Variants in USO1 observed in about 807,000 individuals in gnomAD.
USO1 encodes the protein general vesicular transport factor p115.
USO1 carries 57 observed loss-of-function variants against 124.5 expected under a neutral mutation model. The observed-to-expected ratio is 0.46, with a 90% CI of 0.37 to 0.57. The LOEUF is 0.57. Ranked by LOEUF, USO1 falls within the 20% of genes least tolerant of loss-of-function variation. The pLI, the probability that USO1 is intolerant of heterozygous loss-of-function variation, is 0.00. For missense variants in USO1, 900 were observed against 1,040.6 expected (o/e 0.86, Z 1.86); for synonymous variants, 369 against 362.8 (o/e 1.02, Z -0.19).
rs1179790339 is a variant in USO1 at position 75,806,597 on chromosome 4, C to A, written c.2376+25C>A. 5.2e-6 allele frequency: 8 copies of A among 1,548,578 alleles called. No individual in the cohort carries two copies. The South Asian group carries it at 9.6e-5, about 19-fold the overall frequency. On this transcript the variant is annotated intron_variant, in intron 20 of 23. Coordinates refer to ENST00000514213, the MANE Select transcript of USO1 (RefSeq NM_003715.4). ...GGTAATTTTCCACTTTGATCCAATTCTACTTTGTCATGTTTTAATTATAAT... is the reference window on the plus strand; with the variant it reads ...GGTAATTTTCCACTTTGATCCAATTATACTTTGTCATGTTTTAATTATAAT...
At chr4:75,781,584 G>A (rs999578206) in intron 8 of USO1, among the ~76,000 whole-genome samples, 1 of 152,104 alleles carries the variant, frequency 6.6e-6, no homozygotes, top group African/African-American at 2.4e-5. Flanking sequence ...ACATTATAGT[G>A]TAAATGTAAC....
At chr4:75,797,195 G>T (rs1331137322) in intron 13 of USO1, among the ~76,000 whole-genome samples, 1 of 151,876 alleles carries the variant, frequency 6.6e-6, no homozygotes. Flanking sequence ...GACTTTATAA[G>T]GAATTATACT....
chr4:75,758,130 A>G (rs1351631816), intron 4 of USO1, among the ~76,000 whole-genome samples: 3 of 152,152 alleles, frequency 2.0e-5, no homozygotes, highest in East Asian at 1.9e-4. Context: ...ATATTTGCAC[A>G]CTTAACATAA....
intron 13 of USO1, among the ~76,000 whole-genome samples, chr4:75,797,966 G>T (rs138890792): frequency 6.6e-6 from 1 of 152,142 alleles, no homozygotes; most frequent in Non-Finnish European, 1.5e-5. Context: ...CCTTTGTGAT[G>T]TTGAGTCTCC....
Position 75,812,333 on chromosome 4 carries a change from A to G in USO1, c.2757A>G (p.Lys919=). 6.2e-7 allele frequency: 1 copy of G among 1,602,528 alleles called. No homozygotes were observed. The highest frequency in any genetic ancestry group is 8.5e-7 in the Non-Finnish European group (1 of 1,174,186). ...LLVLLADQDQ[K]ILSLKNKLKD... is the part of the protein sequence containing the mutation. Reference sequence around the variant, plus strand: ...TGCTCTTGGCCGATCAAGATCAGAAAATACTGTCATTGAAGAATAAACTCA... The same window carrying G: ...TGCTCTTGGCCGATCAAGATCAGAAGATACTGTCATTGAAGAATAAACTCA... The change falls in exon 23 of 24, where the codon AAA becomes AAG. Residue 919 remains lysine (K), a synonymous_variant. Transcript: ENST00000514213.
chr4:75,783,165 A>G (rs767008022), intron 9 of USO1, among the ~76,000 whole-genome samples: 4 of 152,194 alleles, frequency 2.6e-5, no homozygotes, highest in Non-Finnish European at 4.4e-5. Flanking sequence ...AATAGGTTAC[A>G]TTGTTGATTT....
At chr4:75,783,517 CCTT>C (rs1233740792) in intron 9 of USO1, among the ~76,000 whole-genome samples, 2 of 152,152 alleles carry the variant, frequency 1.3e-5, no homozygotes, top group Non-Finnish European at 2.9e-5. Context: ...ATTGAATCCT[CCTT>C]CTCCAAACTG....
Position 75,790,207 on chromosome 4 carries a change from G to A in USO1, c.1054G>A (p.Ala352Thr). Residue 352 changes from alanine (A) to threonine (T), a missense_variant, in exon 11 of 24, where the codon GCA becomes ACA. Physicochemically the swap from Ala to Thr is moderately conservative, Grantham distance 58. Transcript: ENST00000514213. ...CTGCCAAGTAAACCAAGACTACTTT[G>A]CATCTGTAAATGCACCTTCAAACCC... ...RGCQVNQDYF[A>T]SVNAPSNPPR... is the part of the protein sequence containing the mutation. 2 of 1,602,752 alleles carry A rather than the reference G, an allele frequency of 1.2e-6. No homozygotes were observed. Among genetic ancestry groups the A allele is most frequent in the African/African-American group, 1.3e-5 (1 of 74,846 alleles).
Position 75,813,415 on chromosome 4 carries a change from AG to A in USO1, c.*121del. The stretch of plus-strand genomic sequence containing the variant: ...ACCAGGTGGAAAACATTCACTATTA[AG>A]ACTATTGATATATTTTTGTAATGTT... On this transcript the variant is annotated 3_prime_UTR_variant, in exon 24 of 24. Transcript: ENST00000514213. 10 of 1,103,862 alleles carry A rather than the reference AG, an allele frequency of 9.1e-6. No homozygotes were observed. The highest frequency in any genetic ancestry group is 1.2e-5 in the Non-Finnish European group (10 of 834,200). The allele number at this position is 1,103,862 out of a possible 1,614,324, so 68.4% of individuals were successfully genotyped here. A position where few individuals can be genotyped will look rare whatever the true frequency, so the allele number is the denominator to read the frequency against.
intron 8 of USO1, among the ~76,000 whole-genome samples, chr4:75,777,540 C>T (rs898117332): frequency 2.0e-5 from 3 of 152,072 alleles, no homozygotes; most frequent in African/African-American, 4.8e-5. Context: ...ATGATCTGAA[C>T]AGACATCTCA....
chr4:75,766,927 G>A (rs1009720712), intron 4 of USO1, among the ~76,000 whole-genome samples: 4 of 152,174 alleles, frequency 2.6e-5, no homozygotes, highest in African/African-American at 9.7e-5. Flanking sequence ...TTTTGTAAAT[G>A]AATGGAAATT....
intron 8 of USO1, among the ~76,000 whole-genome samples, chr4:75,779,985 T>G (rs1032762944): frequency 1.3e-5 from 2 of 152,188 alleles, no homozygotes; most frequent in Non-Finnish European, 2.9e-5. Flanking sequence ...AAGCCAGTGC[T>G]CACTTACCAT....
At chr4:75,729,385 G>T (rs1309737956) in intron 1 of USO1, among the ~76,000 whole-genome samples, 1 of 152,072 alleles carries the variant, frequency 6.6e-6, no homozygotes, top group East Asian at 1.9e-4. Flanking sequence ...TGTCGCCCAG[G>T]CTGGAGTGCA....
intron 4 of USO1, among the ~76,000 whole-genome samples, chr4:75,758,804 T>C (rs1721514512): frequency 6.6e-6 from 1 of 152,180 alleles, no homozygotes; most frequent in Admixed American, 6.5e-5. Context: ...GAAAAATATT[T>C]AGTAAATGTA....
chr4:75,724,758 C>T lies in USO1; in HGVS notation c.-62C>T, dbSNP rs1458875127. The T allele has an allele frequency of 1.9e-6, 3 of 1,567,994 alleles. No homozygotes were observed. The highest frequency in any genetic ancestry group is 2.6e-6 in the Non-Finnish European group (3 of 1,143,306). ...ATTGGGGCCCAGGCCCTGCGGAGGG[C>T]GGGGGAAGTTGTCTTCTTTTTTTTC... On this transcript the variant is annotated 5_prime_UTR_variant, in exon 1 of 24. Coordinates refer to ENST00000514213, the MANE Select transcript of USO1 (RefSeq NM_003715.4).
At chr4:75,776,528 G>T (rs1722076023) in intron 8 of USO1, among the ~76,000 whole-genome samples, 1 of 152,162 alleles carries the variant, frequency 6.6e-6, no homozygotes. Context: ...TTTAAGGAAA[G>T]ATAGAATTTG....
chr4:75,764,038 A>C (rs967819771), intron 4 of USO1, among the ~76,000 whole-genome samples: 10 of 152,168 alleles, frequency 6.6e-5, no homozygotes, highest in Non-Finnish European at 1.3e-4. Context: ...TATATCTCAC[A>C]CTTTTTCAAA....
Position 75,813,282 on chromosome 4 carries a change from T to C in USO1, c.2876T>C (p.Leu959Pro), listed in dbSNP as rs1723202609. Residue 959 changes from leucine to proline, a missense_variant, in exon 24 of 24, where the codon CTA becomes CCA. Around this residue, in one of 2 missense-constraint regions of USO1, gnomAD observed 362 missense variants for 359.0 expected, o/e 1.01. Coordinates refer to ENST00000514213, the MANE Select transcript of USO1 (RefSeq NM_003715.4). ...DDESEDPGKD[L>P]DHI ...GAAAGTGAAGATCCTGGCAAGGATC[T>C]AGATCATATCTAGTTTTCAAATCTC... is the stretch of plus-strand genomic sequence containing the variant. The C allele has an allele frequency of 3.1e-6, 5 of 1,604,596 alleles. No individual in the cohort carries two copies. Among genetic ancestry groups the C allele is most frequent in the Middle Eastern group, 1.7e-4 (1 of 6,028 alleles).
At chr4:75,804,390 A>T in intron 18 of USO1, 118 bp downstream of exon 18, 1 of 1,399,398 alleles carries the variant, frequency 7.1e-7, no homozygotes, top group Non-Finnish European at 9.3e-7. Flanking sequence ...TCATGGTGAC[A>T]AAAATGTAAA....
Sources: gnomAD v4.1 joint callset for allele counts (sites outside exome capture counted in the v4.1 genomes callset) on GRCh38, gnomAD v4.1.1 for gene constraint, gnomAD v4.1.1 regional missense constraint, MANE v1.5 for transcripts, NCBI Gene and HGNC (gene_info 2026-07-23, HGNC 2026-07-21) for gene names.